CCL5: variants seen among roughly 807,000 people sequenced by gnomAD.
CCL5 encodes the protein C-C motif chemokine ligand 5.
A neutral mutation model predicts 9.0 loss-of-function variants in CCL5; 5 were observed. That is an observed-to-expected ratio of 0.55 (90% CI 0.29 to 1.16). The LOEUF (loss-of-function observed/expected upper bound fraction) is 1.16. Ranked by LOEUF, CCL5 falls within the 50% of genes most tolerant of loss-of-function variation. CCL5 has a pLI of 0.08. For missense variants in CCL5, 183 were observed against 183.2 expected, an observed-to-expected ratio of 1.00 and a Z score of 0.01; for synonymous variants, 66 against 72.0, an observed-to-expected ratio of 0.92 and a Z score of 0.42.
chr17:35,878,430 G>C, intron 2 of CCL5, 98 bp downstream of exon 2: 1 of 777,944 alleles, frequency 1.3e-6, no homozygotes, highest in Admixed American at 2.0e-5. Flanking sequence ...AGCTGTGGCT[G>C]CTTGCAGCTG....
In CCL5 at chr17:35,878,588, G is replaced by A; in HGVS notation, c.128C>T (p.Pro43Leu). The A allele has an allele frequency of 6.2e-7, 1 of 1,614,048 alleles. No homozygotes were observed. Among genetic ancestry groups the A allele is most frequent in the Non-Finnish European group, 8.5e-7 (1 of 1,179,980 alleles). ...GAAATACTCCTTGATGTGGGCACGG[G>A]GCAGTGGGCGGGCAATGTAGGCAAA... The change falls in exon 2 of 4, where the codon CCC becomes CTC. Residue 43 changes from proline (P) to leucine (L), a missense_variant. Transcript: ENST00000651122.
intron 2 of CCL5, among the ~76,000 whole-genome samples, chr17:35,876,922 T>C (rs1222332302): frequency 6.6e-6 from 1 of 152,126 alleles, no homozygotes; most frequent in Non-Finnish European, 1.5e-5. Context: ...TTCCTCTCTC[T>C]TTCCCTTGTC....
intron 2 of CCL5, 27 bp downstream of exon 2, chr17:35,878,501 G>A: frequency 6.6e-7 from 1 of 1,506,634 alleles, no homozygotes; most frequent in Non-Finnish European, 9.2e-7. Flanking sequence ...ACAGGCTCTG[G>A]GAGGGCTCCA....
chr17:35,879,513 T>A (rs1478515498), intron 1 of CCL5, among the ~76,000 whole-genome samples: 1 of 151,906 alleles, frequency 6.6e-6, no homozygotes, highest in East Asian at 1.9e-4. Flanking sequence ...CGGGTGCCTG[T>A]AGTCCCCGCT....
At chr17:35,880,093 A>G (rs1343307628) in intron 1 of CCL5, 137 bp downstream of exon 1, 1 of 712,506 alleles carries the variant, frequency 1.4e-6, no homozygotes, top group Non-Finnish European at 2.6e-6. Flanking sequence ...ATTCATAAGA[A>G]TGTAAATAAT....
chr17:35,877,217 A>G (rs1036104282), intron 2 of CCL5, among the ~76,000 whole-genome samples: 4 of 152,156 alleles, frequency 2.6e-5, no homozygotes, highest in African/African-American at 9.7e-5. Flanking sequence ...TGGATTAAAA[A>G]ACTTCACCCT....
Position 35,878,310 on chromosome 17 carries a change from A to AAT in CCL5, c.188+217_188+218insAT, listed in dbSNP as rs1395182826. Among the ~76,000 whole-genome samples the AAT allele has an allele frequency of 1.5e-3, 222 of 147,044 alleles. 1 individual carries two copies. The highest frequency in any genetic ancestry group is 2.8e-3 in the Non-Finnish European group (184 of 66,554). ...AAAAAAAAAAAAAAAAAAAAAAAAA[A>AAT]AGATTGGAGTCCTGGGAACATAGTC... On this transcript the variant is annotated intron_variant, in intron 2 of 3. Transcript: ENST00000651122.
intron 3 of CCL5, among the ~76,000 whole-genome samples, chr17:35,873,482 T>C (rs1054805007): frequency 1.1e-4 from 16 of 152,350 alleles, no homozygotes; most frequent in African/African-American, 3.1e-4. Flanking sequence ...CCACCGCGCC[T>C]GGCCGAGAAG....
chr17:35,872,502 G>T, intron 3 of CCL5, 38 bp from the exon 3 acceptor site: 2 of 1,578,040 alleles, frequency 1.3e-6, no homozygotes, highest in African/African-American at 1.3e-5. Flanking sequence ...ATGAGACCTT[G>T]TCAGTACCGG....
intron 2 of CCL5, among the ~76,000 whole-genome samples, chr17:35,877,450 A>C (rs1212214139): frequency 6.6e-6 from 1 of 152,254 alleles, no homozygotes; most frequent in Non-Finnish European, 1.5e-5. Context: ...TCATTTTTTA[A>C]GTCTCTACCA....
At chr17:35,875,693 G>T in intron 2 of CCL5, 1 of 811,218 alleles carries the variant, frequency 1.2e-6, no homozygotes, top group Non-Finnish European at 1.5e-6. Context: ...GGGTAGCTCA[G>T]GCCTCCATTT....
intron 2 of CCL5, among the ~76,000 whole-genome samples, chr17:35,876,022 T>C (rs566867998): frequency 1.8e-4 from 28 of 152,336 alleles, no homozygotes; most frequent in Non-Finnish European, 4.0e-4. Context: ...ATTTAGATGA[T>C]AATGATAATA....
rs41523251 is a variant in CCL5, at chr17:35,878,696, C to T, written c.77-57G>A. On this transcript the variant is annotated intron_variant, in intron 1 of 3. Transcript: ENST00000651122. ...TTATTCATTGCTACTGCACACTTGA[C>T]ATTGTGCTGGACACTTTATATGATT... The T allele has an allele frequency of 4.6e-3, 4,477 of 969,672 alleles. 125 individuals carry two copies. In the African/African-American group the frequency reaches 0.06, roughly 13 times the overall value. 60.1% of individuals were successfully genotyped at this position (969,672 alleles called of 1,614,324 possible).
rs768718938 is a variant in CCL5 at position 35,872,257 on chromosome 17, G to C, written c.*13C>G. On this transcript the variant is annotated 3_prime_UTR_variant, in exon 4 of 4. Transcript: ENST00000651122. ...TTTTTGTAACTGCTGCTGTGTGGTA[G>C]AATCTGGGCCCTTCAAGGAGCGGGT... The C allele has an allele frequency of 1.3e-6, 2 of 1,516,062 alleles. No homozygotes were observed. Among genetic ancestry groups the C allele is most frequent in the African/African-American group, 1.4e-5 (1 of 72,190 alleles). 93.9% of individuals were successfully genotyped at this position (1,516,062 alleles called of 1,614,324 possible).
intron 1 of CCL5, 62 bp downstream of exon 1, chr17:35,880,167 TG>T: frequency 1.5e-6 from 2 of 1,297,656 alleles, no homozygotes; most frequent in East Asian, 2.3e-5. Flanking sequence ...GTCATTGGGA[TG>T]GGGTAGGCAT....
chr17:35,877,815 C>A (rs918943188), intron 2 of CCL5, among the ~76,000 whole-genome samples: 1 of 152,104 alleles, frequency 6.6e-6, no homozygotes, highest in Non-Finnish European at 1.5e-5. Context: ...TTATAGATCC[C>A]TGACCTCTGA....
chr17:35,872,329 G>A lies in CCL5; in HGVS notation c.406C>T (p.Leu136Phe). 2 of 1,610,092 alleles carry A rather than the reference G, an allele frequency of 1.2e-6. No homozygotes were observed. The highest frequency in any genetic ancestry group is 1.1e-5 in the South Asian group (1 of 90,812). ...GCCTCCCAAGCTAGGACAAGAGCAA[G>A]CAGAAACAGGCAAATTTGTGTAAGT... The change falls in exon 4 of 4, where the codon CTT becomes TTT. Residue 136 changes from leucine to phenylalanine, a missense_variant. Coordinates refer to ENST00000651122, the MANE Select transcript of CCL5 (RefSeq NM_001278736.2).
At chr17:35,874,740 A>T (rs2088419274) in intron 3 of CCL5, among the ~76,000 whole-genome samples, 1 of 152,078 alleles carries the variant, frequency 6.6e-6, no homozygotes, top group Admixed American at 6.6e-5. Context: ...CCTCCTGAGT[A>T]GCTGGGATTA....
At chr17:35,876,706 G>C (rs2088445298) in intron 2 of CCL5, among the ~76,000 whole-genome samples, 1 of 152,158 alleles carries the variant, frequency 6.6e-6, no homozygotes, top group Non-Finnish European at 1.5e-5. Flanking sequence ...TTTTACACTT[G>C]ACAGCTGCAT....
Sources: allele counts gnomAD v4.1 joint callset (sites outside exome capture counted in the v4.1 genomes callset), GRCh38; gene constraint gnomAD v4.1.1; transcripts MANE v1.5; gene names NCBI Gene and HGNC (gene_info 2026-07-23, HGNC 2026-07-21).